SMC6: variants seen among roughly 807,000 people sequenced by gnomAD.
SMC6 encodes the protein structural maintenance of chromosomes 6, also known as structural maintenance of chromosomes protein 6.
Under a neutral mutation model 142.2 loss-of-function variants are expected in SMC6, and 79 were observed. That is an observed-to-expected ratio of 0.56 (90% confidence interval 0.46 to 0.67). SMC6 has a LOEUF of 0.67. Ranked by LOEUF, SMC6 falls within the 30% of genes least tolerant of loss-of-function variation. The probability of loss-of-function intolerance (pLI) is 0.00; values close to 1 mark genes in which losing one functional copy is unlikely to be tolerated. For missense variants in SMC6, 1,072 were observed against 1,284.0 expected (o/e 0.83, Z 2.52); for synonymous variants, 411 against 412.4 (o/e 1.00, Z 0.04).
At chr2:17,696,485 A>G (rs1667994002) in intron 21 of SMC6, 59 bp from the exon 22 acceptor site, 4 of 1,554,276 alleles carry the variant, frequency 2.6e-6, no homozygotes, top group Middle Eastern at 3.4e-4. Flanking sequence ...CATAGGTATA[A>G]AGATAATAAA....
intron 16 of SMC6, among the ~76,000 whole-genome samples, chr2:17,710,454 T>C (rs1274782204): frequency 6.6e-6 from 1 of 152,082 alleles, no homozygotes; most frequent in African/African-American, 2.4e-5. Flanking sequence ...ACAAACACAG[T>C]TTCAGTCATC....
In SMC6 at chr2:17,725,357, A is replaced by C. The variant is rs1197614431; in HGVS notation, c.626T>G (p.Phe209Cys). The change falls in exon 9 of 28, where the codon TTC (phenylalanine) becomes TGC (cysteine). Residue 209 changes from phenylalanine (F) to cysteine (C), a missense_variant and splice_region_variant. By Grantham distance (205) the Phe-to-Cys change is radical (BLOSUM62 -2). Coordinates refer to ENST00000448223, the MANE Select transcript of SMC6 (RefSeq NM_001142286.2). ...QSKNEGDKYK[F>C]FMKATQLEQM... ...TTCAAGTTGCGTTGCTTTCATGAAG[A>C]ACTATTATCAATAACAAAAAAAAAC... The C allele has an allele frequency of 2.5e-6, 4 of 1,583,926 alleles. No homozygotes were observed.
At chr2:17,714,017 G>C (rs1197152187) in intron 16 of SMC6, among the ~76,000 whole-genome samples, 1 of 151,970 alleles carries the variant, frequency 6.6e-6, no homozygotes, top group East Asian at 1.9e-4. Flanking sequence ...ATTTTAAAAA[G>C]TGGAGATGGG....
intron 21 of SMC6, among the ~76,000 whole-genome samples, chr2:17,699,052 C>A (rs897853555): frequency 9.2e-5 from 14 of 152,004 alleles, no homozygotes; most frequent in Non-Finnish European, 1.6e-4. Flanking sequence ...TTTTGCTAGC[C>A]TTCTAAACAT....
chr2:17,680,717 T>C (rs992256634), intron 24 of SMC6: 1 of 152,294 alleles, frequency 6.6e-6, no homozygotes, highest in South Asian at 2.1e-4. Context: ...GACTCAATAG[T>C]GGGCTTAAAA....
intron 11 of SMC6, among the ~76,000 whole-genome samples, chr2:17,720,357 G>A (rs1347363471): frequency 6.6e-6 from 1 of 152,124 alleles, no homozygotes; most frequent in Non-Finnish European, 1.5e-5. Context: ...TTGAATTTTA[G>A]ATAGGGTAGT....
rs570481927 is a variant in SMC6, at chr2:17,733,187, C to A, written c.345-1310G>T. On this transcript the variant is annotated intron_variant, in intron 5 of 27. Coordinates refer to ENST00000448223, the MANE Select transcript of SMC6 (RefSeq NM_001142286.2). Reference sequence around the variant, plus strand: ...AAACTGTTCCCATTTGTGGGAAATGCAGGAAGAAATACTCCAGATGAGCTT... The same window carrying A: ...AAACTGTTCCCATTTGTGGGAAATGAAGGAAGAAATACTCCAGATGAGCTT... Among the ~76,000 whole-genome samples the A allele has an allele frequency of 5.0e-4, 76 of 152,314 alleles. 1 individual carries two copies. Among genetic ancestry groups the A allele is most frequent in the African/African-American group, 1.7e-3 (71 of 41,572 alleles).
intron 25 of SMC6, among the ~76,000 whole-genome samples, chr2:17,673,574 A>T (rs2555077): frequency 0.49 from 72,595 of 149,526 alleles, 19,574 homozygotes; most frequent in African/African-American, 0.71. Flanking sequence ...TTTTTTTTTT[A>T]AATTTTTTTT....
intron 25 of SMC6, among the ~76,000 whole-genome samples, chr2:17,673,252 TCTTA>T (rs949830030): frequency 1.3e-5 from 2 of 152,228 alleles, no homozygotes; most frequent in African/African-American, 4.8e-5. Flanking sequence ...TCAGTCTCTT[TCTTA>T]CTATTTTTTA....
chr2:17,670,692 G>A, intron 25 of SMC6, 117 bp from the exon 26 acceptor site: 1 of 1,052,290 alleles, frequency 9.5e-7, no homozygotes, highest in Non-Finnish European at 1.3e-6. Flanking sequence ...GGAATAAAAT[G>A]ACTTAGTGAT....
chr2:17,749,548 C>T (rs928844066), intron 2 of SMC6, among the ~76,000 whole-genome samples: 3 of 151,780 alleles, frequency 2.0e-5, no homozygotes, highest in African/African-American at 7.3e-5. Context: ...ATTAGTCAGG[C>T]GTGGTGGCGC....
intron 6 of SMC6, 133 bp from the exon 7 acceptor site, chr2:17,731,272 T>A: frequency 1.6e-6 from 1 of 628,792 alleles, no homozygotes; most frequent in Non-Finnish European, 2.8e-6. Flanking sequence ...ATTGAATACG[T>A]ACAAATATGA....
chr2:17,731,011 A>G, intron 7 of SMC6, 67 bp downstream of exon 7: 2 of 1,253,174 alleles, frequency 1.6e-6, no homozygotes, highest in South Asian at 1.2e-5. Context: ...TTTTCTACAC[A>G]AGTGAAATCG....
At chr2:17,665,654 C>G (rs764351453) in intron 27 of SMC6, 41 bp from the exon 28 acceptor site, 6 of 1,319,842 alleles carry the variant, frequency 4.5e-6, no homozygotes, top group East Asian at 2.4e-5. Flanking sequence ...TCCAAGAAAC[C>G]TTTTACCAAT....
At chr2:17,718,317 T>G (rs9679094) in intron 11 of SMC6, 94 bp from the exon 12 acceptor site, 321,800 of 753,572 alleles carry the variant, frequency 0.43, 74,709 homozygotes, top group African/African-American at 0.72. Flanking sequence ...AATAATAAAT[T>G]TAACTTCACT....
At chr2:17,675,298 T>G (rs547245851) in intron 25 of SMC6, among the ~76,000 whole-genome samples, 110 of 152,198 alleles carry the variant, frequency 7.2e-4, no homozygotes, top group African/African-American at 2.3e-3. Flanking sequence ...GTACTTCTAT[T>G]CCCTTTTTGT....
intron 23 of SMC6, among the ~76,000 whole-genome samples, chr2:17,688,988 T>A (rs925221648): frequency 6.6e-6 from 1 of 152,152 alleles, no homozygotes. Context: ...AATCTAGGGA[T>A]GAAAATATGA....
intron 3 of SMC6, among the ~76,000 whole-genome samples, chr2:17,745,010 A>G (rs1366774280): frequency 6.6e-6 from 1 of 152,192 alleles, no homozygotes; most frequent in African/African-American, 2.4e-5. Context: ...CTCAGGGCAG[A>G]TTATAAGGGA....
intron 25 of SMC6, among the ~76,000 whole-genome samples, chr2:17,678,442 A>G (rs1007670174): frequency 6.6e-6 from 1 of 152,128 alleles, no homozygotes; most frequent in Non-Finnish European, 1.5e-5. Context: ...AATCAAAGAC[A>G]ACAGGTTAAA....
Sources: allele counts gnomAD v4.1 joint callset (sites outside exome capture counted in the v4.1 genomes callset), GRCh38; gene constraint gnomAD v4.1.1; transcripts MANE v1.5; gene names NCBI Gene and HGNC (gene_info 2026-07-23, HGNC 2026-07-21).